Variants in CDH19 observed in about 807,000 individuals in gnomAD.
CDH19 encodes the protein cadherin 19, also known as cadherin-19.
In CDH19, 67 loss-of-function variants were observed where a neutral mutation model predicts 64.2. That is an observed-to-expected ratio of 1.04 (90% CI 0.86 to 1.28). The LOEUF is 1.28. Among genes scored for constraint, CDH19 ranks in the 50% most tolerant of loss-of-function variants. The probability of loss-of-function intolerance (pLI) is 0.00; values close to 1 mark genes in which losing one functional copy is unlikely to be tolerated. For missense variants in CDH19, 1,030 were observed against 929.0 expected (o/e 1.11, Z -1.41); for synonymous variants, 346 against 319.3 (o/e 1.08, Z -0.89).
In CDH19 at chr18:66,535,119, G is replaced by T; in HGVS notation, c.1215-12C>A. 1 of 1,419,054 alleles carries T rather than the reference G, an allele frequency of 7.0e-7. No homozygotes were observed. Among genetic ancestry groups the T allele is most frequent in the Non-Finnish European group, 9.5e-7 (1 of 1,050,016 alleles). The allele number at this position is 1,419,054 out of a possible 1,614,324, so 87.9% of individuals were successfully genotyped here. On this transcript the variant is annotated splice_polypyrimidine_tract_variant and intron_variant, in intron 7 of 11. Transcript: ENST00000262150. ...TAGTAATAGAATACCTGAACCAAAA[G>T]GAAAGTATACCTTAATATTTTTATT...
chr18:66,546,040 T>C (rs1353602975), intron 5 of CDH19, among the ~76,000 whole-genome samples: 3 of 152,042 alleles, frequency 2.0e-5, no homozygotes, highest in Admixed American at 2.0e-4. Flanking sequence ...TTTTCATCCA[T>C]GTTAATATAT....
intron 7 of CDH19, among the ~76,000 whole-genome samples, 191 bp from the exon 8 acceptor site, chr18:66,535,298 G>A (rs571407811): frequency 7.3e-5 from 11 of 151,640 alleles, no homozygotes; most frequent in African/African-American, 2.7e-4. Flanking sequence ...AAAAAAAGAC[G>A]TAACATGACT....
chr18:66,507,671 T>G (rs2144333662), intron 11 of CDH19, among the ~76,000 whole-genome samples: 1 of 152,048 alleles, frequency 6.6e-6, no homozygotes, highest in South Asian at 2.1e-4. Context: ...AGCGCTCTTT[T>G]ACTGGGATTT....
chr18:66,568,976 T>G (rs1988012961), intron 2 of CDH19, among the ~76,000 whole-genome samples: 1 of 151,684 alleles, frequency 6.6e-6, no homozygotes, highest in South Asian at 2.1e-4. Context: ...AAGCTTCTTT[T>G]GTAAGTTATG....
At chr18:66,521,315 G>A (rs1436389250) in intron 9 of CDH19, among the ~76,000 whole-genome samples, 1 of 152,070 alleles carries the variant, frequency 6.6e-6, no homozygotes, top group South Asian at 2.1e-4. Flanking sequence ...TGGATACAGA[G>A]TGCTTGGAAA....
intron 1 of CDH19, among the ~76,000 whole-genome samples, chr18:66,596,522 A>G (rs957131748): frequency 2.0e-5 from 3 of 152,102 alleles, no homozygotes; most frequent in African/African-American, 4.8e-5. Context: ...CCATGCTGAG[A>G]GCCAAATCAA....
intron 1 of CDH19, among the ~76,000 whole-genome samples, chr18:66,592,100 C>T (rs568405716): frequency 2.3e-4 from 35 of 151,906 alleles, no homozygotes; most frequent in African/African-American, 8.0e-4. Flanking sequence ...GCTAACCTCC[C>T]ATATACATAC....
At chr18:66,575,098 C>T (rs1988227266) in intron 1 of CDH19, among the ~76,000 whole-genome samples, 2 of 151,800 alleles carry the variant, frequency 1.3e-5, no homozygotes, top group South Asian at 2.1e-4. Context: ...GAAATTGTTG[C>T]ATCTCCTTTT....
At chr18:66,519,441 ATAT>A (rs1327538858) in intron 9 of CDH19, among the ~76,000 whole-genome samples, 1 of 152,144 alleles carries the variant, frequency 6.6e-6, no homozygotes, top group African/African-American at 2.4e-5. Context: ...CATGGTTAGG[ATAT>A]TATCATCTAA....
At chr18:66,511,807 A>G (rs774173875) in intron 9 of CDH19, 122 bp from the exon 10 acceptor site, 69 of 649,298 alleles carry the variant, frequency 1.1e-4, no homozygotes, top group Non-Finnish European at 1.7e-4. Flanking sequence ...ATTGCAGAAA[A>G]TAACTGTCAA....
At chr18:66,509,285 G>C in intron 10 of CDH19, 39 bp from the exon 11 acceptor site, 1 of 1,583,794 alleles carries the variant, frequency 6.3e-7, no homozygotes, top group Non-Finnish European at 8.6e-7. Flanking sequence ...TTTCAACTAC[G>C]TAAGAGAAAT....
At chr18:66,550,886 A>G (rs1987313364) in intron 5 of CDH19, among the ~76,000 whole-genome samples, 3 of 152,182 alleles carry the variant, frequency 2.0e-5, no homozygotes, top group South Asian at 4.1e-4. Flanking sequence ...AATTTATTAC[A>G]GCAAGAATAG....
intron 3 of CDH19, 29 bp downstream of exon 3, chr18:66,568,387 T>A: frequency 6.5e-7 from 1 of 1,540,694 alleles, no homozygotes; most frequent in Non-Finnish European, 8.9e-7. Context: ...ATTGTTAATA[T>A]ATCTTTGATG....
chr18:66,583,097 T>C (rs747223585), intron 1 of CDH19, among the ~76,000 whole-genome samples: 2 of 152,132 alleles, frequency 1.3e-5, no homozygotes, highest in African/African-American at 4.8e-5. Context: ...AAAACACCTT[T>C]ATCAGTATAG....
In CDH19 at chr18:66,504,559, C is replaced by G. The variant is rs1411672469; in HGVS notation, c.*253G>C. ...TCCTCTCATCTACTTTTAATATCTTCCTAAATTATTTTACTTCAAATCTGG... is the reference window on the plus strand; with the variant it reads ...TCCTCTCATCTACTTTTAATATCTTGCTAAATTATTTTACTTCAAATCTGG... On this transcript the variant is annotated 3_prime_UTR_variant, in exon 12 of 12. Coordinates refer to ENST00000262150, the MANE Select transcript of CDH19 (RefSeq NM_021153.4). 2 of 362,784 alleles carry G rather than the reference C, an allele frequency of 5.5e-6. No homozygotes were observed. Among genetic ancestry groups the G allele is most frequent in the Admixed American group, 4.1e-5 (1 of 24,480 alleles). 22.5% of individuals were successfully genotyped at this position (362,784 alleles called of 1,614,324 possible).
At chr18:66,589,152 T>C (rs1207934117) in intron 1 of CDH19, among the ~76,000 whole-genome samples, 1 of 151,496 alleles carries the variant, frequency 6.6e-6, no homozygotes, top group African/African-American at 2.4e-5. Context: ...TCCTAAAACA[T>C]TGTTCAGAAT....
At chr18:66,517,486 A>G (rs1424113031) in intron 9 of CDH19, among the ~76,000 whole-genome samples, 1 of 152,024 alleles carries the variant, frequency 6.6e-6, no homozygotes, top group Non-Finnish European at 1.5e-5. Flanking sequence ...AATATTTGCA[A>G]ATTGCTGAAA....
intron 4 of CDH19, 130 bp downstream of exon 4, chr18:66,554,275 A>G (rs1261636575): frequency 9.9e-6 from 8 of 806,288 alleles, no homozygotes; most frequent in Non-Finnish European, 5.7e-6. Flanking sequence ...TTAAATGCTT[A>G]GGAATTGCAA....
intron 3 of CDH19, among the ~76,000 whole-genome samples, chr18:66,563,374 A>C (rs1332799670): frequency 1.3e-5 from 2 of 152,056 alleles, no homozygotes; most frequent in African/African-American, 4.8e-5. Context: ...TGTAGATATA[A>C]ATTTAATGGA....
Sources: allele counts gnomAD v4.1 joint callset (sites outside exome capture counted in the v4.1 genomes callset), GRCh38; gene constraint gnomAD v4.1.1; transcripts MANE v1.5; gene names NCBI Gene and HGNC (gene_info 2026-07-23, HGNC 2026-07-21).